TRIM50: variants seen among roughly 807,000 people sequenced by gnomAD.
TRIM50 encodes the protein tripartite motif containing 50, also known as E3 ubiquitin-protein ligase TRIM50.
TRIM50 carries 34 observed loss-of-function variants against 44.9 expected under a neutral mutation model. The observed-to-expected ratio is 0.76, with a 90% CI of 0.58 to 1.01. The LOEUF (loss-of-function observed/expected upper bound fraction) is 1.01. Among genes scored for constraint, TRIM50 ranks in the 50% least tolerant of loss-of-function variants. The pLI is 0.00. For synonymous variants in TRIM50, 307 were observed against 291.1 expected (o/e 1.05, Z -0.56); for missense variants, 633 against 663.7 (o/e 0.95, Z 0.51).
Position 73,312,770 on chromosome 7 carries a change from G to A in TRIM50, c.*151C>T. 2 of 653,986 alleles carry A rather than the reference G, an allele frequency of 3.1e-6. No homozygotes were observed. Among genetic ancestry groups the A allele is most frequent in the South Asian group, 4.0e-5 (2 of 50,424 alleles). 40.5% of individuals were successfully genotyped at this position (653,986 alleles called of 1,614,324 possible). A position where few individuals can be genotyped will look rare whatever the true frequency, so the allele number is the denominator to read the frequency against. Reference sequence around the variant, plus strand: ...CTGAGGGGAAAGGGACTGGGGTCCTGTTCCCTATCATTACATGTTCCAGGG... The same window carrying A: ...CTGAGGGGAAAGGGACTGGGGTCCTATTCCCTATCATTACATGTTCCAGGG... On this transcript the variant is annotated 3_prime_UTR_variant, in exon 7 of 7. Coordinates refer to ENST00000333149, the MANE Select transcript of TRIM50 (RefSeq NM_178125.3).
intron 2 of TRIM50, among the ~76,000 whole-genome samples, chr7:73,320,602 G>A (rs1209478266): frequency 1.3e-5 from 2 of 152,050 alleles, no homozygotes; most frequent in African/African-American, 4.8e-5. Context: ...GGAGGCTAAG[G>A]CACGAGAATC....
intron 6 of TRIM50, chr7:73,314,859 A>G (rs1804321192): frequency 5.1e-6 from 1 of 195,652 alleles, no homozygotes; most frequent in South Asian, 8.5e-5. Context: ...AAAAAAAAAA[A>G]AAAAAGGAAG....
chr7:73,318,644 C>T lies in TRIM50; in HGVS notation c.749+43G>A, dbSNP rs543011095. 2.4e-5 allele frequency: 39 copies of T among 1,612,364 alleles called. 2 individuals carry two copies. The highest frequency in any genetic ancestry group is 2.1e-4 in the Middle Eastern group (1 of 4,768). ...CCAGTGGAGCTGAGATGCCCGTGCC[C>T]GCAGCCACCAGACCCTGGCTGAGCT... On this transcript the variant is annotated intron_variant, in intron 5 of 6. Transcript: ENST00000333149.
intron 5 of TRIM50, among the ~76,000 whole-genome samples, chr7:73,317,104 A>T (rs1554544209): frequency 1.3e-5 from 2 of 151,966 alleles, no homozygotes; most frequent in Non-Finnish European, 2.9e-5. Context: ...CCCAGGCTGG[A>T]GTGCAGTGGC....
chr7:73,312,923 A>G lies in TRIM50; in HGVS notation c.1462T>C (p.Ter488GlnextTer29), dbSNP rs1554543166. 5 of 1,537,728 alleles carry G rather than the reference A, an allele frequency of 3.3e-6. No homozygotes were observed. The highest frequency in any genetic ancestry group is 1.2e-5 in the South Asian group (1 of 83,070). The change falls in exon 7 of 7, where the codon TAG becomes CAG. Residue 488 changes from the stop codon to glutamine (Q), a stop_lost. Transcript: ENST00000333149. Reference sequence around the variant, plus strand: ...GGCCGGCAGGACTCCGGGCGGCCCTACAGCTTGGTGGGCTGCTCGGGGCTG... The same window carrying G: ...GGCCGGCAGGACTCCGGGCGGCCCTGCAGCTTGGTGGGCTGCTCGGGGCTG... Reference protein sequence around the residue: ...PLSPEQPTKL* With the variant: ...PLSPEQPTKLQ
chr7:73,316,412 G>A (rs1474457001), intron 6 of TRIM50, among the ~76,000 whole-genome samples, 153 bp downstream of exon 6: 1 of 152,072 alleles, frequency 6.6e-6, no homozygotes, highest in African/African-American at 2.4e-5. Context: ...AGGAACCCAA[G>A]CTGTTCGGAA....
chr7:73,313,768 T>C lies in TRIM50; in HGVS notation c.875-258A>G, dbSNP rs1157247306. Among the ~76,000 whole-genome samples the C allele has an allele frequency of 2.6e-5, 4 of 151,798 alleles. No individual in the cohort carries two copies. The highest frequency in any genetic ancestry group is 5.9e-5 in the Non-Finnish European group (4 of 67,944). On this transcript the variant is annotated intron_variant, in intron 6 of 6. Transcript: ENST00000333149. This position sits in a 1 kb window ranked among gnomAD's most constrained non-coding sequence, Gnocchi z 4.9. ...TTGCATCCACCCAAGGCAAAAACAG[T>C]GTTTATATAAAAGGGAGCAGCTTGG... is the stretch of plus-strand genomic sequence containing the variant.
At chr7:73,327,645 A>G (rs1804669483) in intron 1 of TRIM50, among the ~76,000 whole-genome samples, 1 of 152,204 alleles carries the variant, frequency 6.6e-6, no homozygotes, top group African/African-American at 2.4e-5. Context: ...TTGCCCTGCA[A>G]TCACATGCTG....
intron 5 of TRIM50, 137 bp downstream of exon 5, chr7:73,318,550 C>T (rs1324185057): frequency 2.1e-5 from 33 of 1,567,870 alleles, no homozygotes; most frequent in South Asian, 1.1e-5. Context: ...CTCTGTTTTT[C>T]CCAGGCTCAG....
chr7:73,314,876 CTGG>C (rs1315406935), intron 6 of TRIM50: 3 of 191,704 alleles, frequency 1.6e-5, no homozygotes, highest in Non-Finnish European at 3.2e-5. Flanking sequence ...GAAGGCTCAG[CTGG>C]TGGTGACTCC....
chr7:73,324,492 A>C lies in TRIM50; in HGVS notation c.296T>G (p.Phe99Cys), dbSNP rs142292939. The change falls in exon 2 of 7, where the codon TTC becomes TGC. Residue 99 changes from phenylalanine to cysteine, a missense_variant. By Grantham distance (205) the Phe-to-Cys change is radical (BLOSUM62 -2). Transcript: ENST00000333149. ...CVHHRNPLSL[F>C]CEKDQELICG... ...GATGAGCTCCTGGTCCTTCTCGCAG[A>C]AAAGGCTGAGCGGGTTCCGGTGGTG... 2.1e-4 allele frequency: 339 copies of C among 1,613,842 alleles called. No homozygotes were observed. In the African/African-American group the frequency reaches 4.2e-3, roughly 20 times the overall value.
Position 73,324,409 on chromosome 7 carries a change from T to G in TRIM50, c.379A>C (p.Thr127Pro), listed in dbSNP as rs1804566848. The G allele has an allele frequency of 3.7e-6, 6 of 1,613,512 alleles. No individual in the cohort carries two copies. The South Asian group carries it at 6.6e-5, about 18-fold the overall frequency. ...HQHHPVTPVS[T>P]VYSRMKEELA... ...CCCACCTTCATGCGGCTGTAGACGG[T>G]GGAGACGGGCGTGACCGGGTGGTGT... The change falls in exon 2 of 7, where the codon ACC becomes CCC. Residue 127 changes from threonine to proline, a missense_variant. By Grantham distance (38) the Thr-to-Pro change is conservative. Transcript: ENST00000333149.
chr7:73,314,428 A>G, intron 6 of TRIM50: 1 of 436,208 alleles, frequency 2.3e-6, no homozygotes, highest in Non-Finnish European at 4.5e-6. Flanking sequence ...GGGCAAAGCA[A>G]GAGAAGAAGC....
chr7:73,316,904 G>A, intron 5 of TRIM50: 1 of 582,462 alleles, frequency 1.7e-6, no homozygotes, highest in South Asian at 3.5e-5. Context: ...CTTCTAGAGT[G>A]CAGGTTTGGG....
intron 3 of TRIM50, among the ~76,000 whole-genome samples, 178 bp from the exon 4 acceptor site, chr7:73,319,230 C>T (rs1554544706): frequency 6.6e-6 from 1 of 152,094 alleles, no homozygotes; most frequent in Non-Finnish European, 1.5e-5. Flanking sequence ...GGAGCCCTGG[C>T]GGTGGCCGTG....
chr7:73,322,612 C>T (rs1370637225), intron 2 of TRIM50, among the ~76,000 whole-genome samples: 3 of 152,208 alleles, frequency 2.0e-5, no homozygotes, highest in African/African-American at 7.2e-5. Context: ...CACACGTGAT[C>T]TCCTTCAGTC....
rs1554545619 is a variant in TRIM50 at position 73,324,540 on chromosome 7, T to C, written c.248A>G (p.Asp83Gly). The change falls in exon 2 of 7, where the codon GAC becomes GGC. Residue 83 changes from aspartate to glycine, a missense_variant. Transcript: ENST00000333149. Reference protein sequence around the residue: ...RVIEALRLPGDPEPKVCVHHR... With the variant: ...RVIEALRLPGGPEPKVCVHHR... ...GTGCACGCAGACCTTGGGCTCCGGG[T>C]CCCCAGGGAGCCTCAGGGCTTCGAT... 1 of 1,613,776 alleles carries C rather than the reference T, an allele frequency of 6.2e-7. No homozygotes were observed. The highest frequency in any genetic ancestry group is 2.2e-5 in the East Asian group (1 of 44,884).
chr7:73,320,233 C>T lies in TRIM50; in HGVS notation c.409G>A (p.Ala137Thr), dbSNP rs782692581. The stretch of plus-strand genomic sequence containing the variant: ...TGCTTCAGCTCAGAGATGAGGGCTG[C>T]GAGCTCCTCCTGGAGGCAACAGGCC... ...TVYSRMKEEL[A>T]ALISELKQEQ... Residue 137 changes from alanine to threonine, a missense_variant, in exon 3 of 7, where the codon GCA (alanine) becomes ACA (threonine). Physicochemically the swap from Ala to Thr is moderately conservative, Grantham distance 58. Coordinates refer to ENST00000333149, the MANE Select transcript of TRIM50 (RefSeq NM_178125.3). 15 of 1,613,844 alleles carry T rather than the reference C, an allele frequency of 9.3e-6. No individual in the cohort carries two copies. Among genetic ancestry groups the T allele is most frequent in the Admixed American group, 1.7e-5 (1 of 59,988 alleles).
rs1414810231 is a variant in TRIM50 at position 73,319,195 on chromosome 7, G to A, written c.496-143C>T. On this transcript the variant is annotated intron_variant, in intron 3 of 6. Transcript: ENST00000333149. ...GGGGAGGCTGCATGGCCTGGCGCCG[G>A]GCAGGGAGTTCACCCCATGCATGGG... 751 of 1,416,628 alleles carry A rather than the reference G, an allele frequency of 5.3e-4. 1 individual carries two copies. The highest frequency in any genetic ancestry group is 6.7e-4 in the Non-Finnish European group (695 of 1,044,884). The allele number at this position is 1,416,628 out of a possible 1,614,324, so 87.8% of individuals were successfully genotyped here. A position where few individuals can be genotyped will look rare whatever the true frequency, so the allele number is the denominator to read the frequency against.
Sources: allele counts gnomAD v4.1 joint callset (sites outside exome capture counted in the v4.1 genomes callset), GRCh38; gene constraint gnomAD v4.1.1; non-coding constraint Gnocchi (gnomAD v3.1); transcripts MANE v1.5; gene names NCBI Gene and HGNC (gene_info 2026-07-23, HGNC 2026-07-21).